The following CDH13 variants were observed in gnomAD, a reference collection of about 807,000 sequenced individuals.
CDH13 encodes the protein cadherin 13.
In CDH13, 24 loss-of-function variants were observed where a neutral mutation model predicts 63.8. The observed-to-expected ratio is 0.38, with a 90% CI of 0.27 to 0.53. The LOEUF (loss-of-function observed/expected upper bound fraction) is 0.53, where lower values mean the gene tolerates loss of function less well. Ranked by LOEUF, CDH13 falls within the 20% of genes least tolerant of loss-of-function variation. The probability of loss-of-function intolerance (pLI) is 0.85; values close to 1 mark genes in which losing one functional copy is unlikely to be tolerated. For missense variants in CDH13, 1,049 were observed against 903.1 expected (o/e 1.16, Z -2.07); for synonymous variants, 503 against 355.3 (o/e 1.42, Z -4.67).
intron 2 of CDH13, among the ~76,000 whole-genome samples, chr16:82,965,619 C>T (rs929837252): frequency 6.6e-6 from 1 of 152,180 alleles, no homozygotes; most frequent in Non-Finnish European, 1.5e-5. Context: ...GCAACCTCTA[C>T]TTCCAGGTTC....
At chr16:82,913,425 T>A (rs2041894569) in intron 2 of CDH13, among the ~76,000 whole-genome samples, 1 of 152,106 alleles carries the variant, frequency 6.6e-6, no homozygotes, top group South Asian at 2.1e-4. Context: ...CAGATCTAGG[T>A]CTGATACCTG....
chr16:83,776,108 A>G (rs1791842873), intron 11 of CDH13, among the ~76,000 whole-genome samples: 1 of 152,218 alleles, frequency 6.6e-6, no homozygotes. Context: ...TCATCTTACT[A>G]ACTTCAGAAA....
chr16:83,318,712 G>A (rs972988124), intron 5 of CDH13, among the ~76,000 whole-genome samples: 2 of 152,192 alleles, frequency 1.3e-5, no homozygotes, highest in African/African-American at 4.8e-5. Context: ...GTGGGTTCCA[G>A]TATGTATTTC....
intron 4 of CDH13, among the ~76,000 whole-genome samples, chr16:83,168,770 A>T (rs901785028): frequency 6.6e-6 from 1 of 152,162 alleles, no homozygotes; most frequent in African/African-American, 2.4e-5. Flanking sequence ...ATTAAACTAT[A>T]TGTTCAAATT....
At position 83,406,803 on chromosome 16, in the gene CDH13, C is replaced by T. The variant is rs183384702; in HGVS notation, c.781+61797C>T. 4.5e-3 allele frequency among the ~76,000 whole-genome samples: 678 copies of T among 152,276 alleles called. 5 individuals are homozygous for T. The highest frequency in any genetic ancestry group is 0.016 in the African/African-American group (660 of 41,542). The stretch of plus-strand genomic sequence containing the variant: ...TTCTAGCTGAGGATTCTGTAACAAG[C>T]CAGTCTTCTAAAACTGAATTTTTTT... On this transcript the variant is annotated intron_variant, in intron 6 of 13. Transcript: ENST00000567109.
rs541921670 is a variant in CDH13 at position 83,392,744 on chromosome 16, C to A, written c.781+47738C>A. Among the ~76,000 whole-genome samples the A allele has an allele frequency of 1.9e-3, 284 of 152,248 alleles. 2 individuals carry two copies. The highest frequency in any genetic ancestry group is 7.7e-3 in the South Asian group (37 of 4,822). Reference sequence around the variant, plus strand: ...ACAGAACCAGCGCACGAGGCAGAATCACAGTGTCAGAGCTTCTGTAATTAC... The same window carrying A: ...ACAGAACCAGCGCACGAGGCAGAATAACAGTGTCAGAGCTTCTGTAATTAC... On this transcript the variant is annotated intron_variant, in intron 6 of 13. Transcript: ENST00000567109.
intron 5 of CDH13, among the ~76,000 whole-genome samples, chr16:83,296,719 CT>C (rs1330598863): frequency 1.3e-5 from 2 of 152,104 alleles, no homozygotes; most frequent in Non-Finnish European, 2.9e-5. Flanking sequence ...TAATGGTGAA[CT>C]TTTGCCAATC....
At position 83,191,526 on chromosome 16, in the gene CDH13, C is replaced by CATATATATATAT. The variant is rs763006044; in HGVS notation, c.484-25818_484-25817insTATATATATATA. On this transcript the variant is annotated intron_variant, in intron 4 of 13. Transcript: ENST00000567109. The stretch of plus-strand genomic sequence containing the variant: ...ATATACACACACACACACACACACA[C>CATATATATATAT]ACACATATATATATATATATATATA... 5.9e-5 allele frequency among the ~76,000 whole-genome samples: 6 copies of CATATATATATAT among 101,704 alleles called. No homozygotes were observed. The East Asian group carries it at 1.2e-3, about 21-fold the overall frequency. 66.7% of individuals were successfully genotyped at this position (101,704 alleles called of 152,430 possible). A position where few individuals can be genotyped will look rare whatever the true frequency, so the allele number is the denominator to read the frequency against.
intron 10 of CDH13, among the ~76,000 whole-genome samples, chr16:83,709,782 G>C (rs1030257267): frequency 7.9e-5 from 12 of 152,322 alleles, no homozygotes; most frequent in African/African-American, 2.9e-4. Context: ...AATAGGGTCT[G>C]AGTATTCACT....
rs140305025 is a variant in CDH13 at position 82,845,771 on chromosome 16, A to G, written c.46-12591A>G. Among the ~76,000 whole-genome samples, 482 of 152,304 alleles carry G rather than the reference A, an allele frequency of 3.2e-3. 4 individuals are homozygous for G. Among genetic ancestry groups the G allele is most frequent in the African/African-American group, 0.01 (435 of 41,556 alleles). ...TCGACATCACTAATTTAATTACAAA[A>G]AATTCATAAATAGATGCAAATACCA... On this transcript the variant is annotated intron_variant, in intron 1 of 13. Coordinates refer to ENST00000567109, the MANE Select transcript of CDH13 (RefSeq NM_001257.5).
At chr16:83,468,372 T>C (rs2151535095) in intron 6 of CDH13, among the ~76,000 whole-genome samples, 1 of 152,272 alleles carries the variant, frequency 6.6e-6, no homozygotes, top group South Asian at 2.1e-4. Flanking sequence ...AAGCTGCATA[T>C]GGTAAGGAAG....
At chr16:82,683,163 G>A (rs575143811) in intron 1 of CDH13, among the ~76,000 whole-genome samples, 40 of 152,306 alleles carry the variant, frequency 2.6e-4, no homozygotes, top group African/African-American at 8.9e-4. Context: ...ATCAGAAGAT[G>A]TCGCCCTGGT....
intron 11 of CDH13, among the ~76,000 whole-genome samples, chr16:83,762,655 A>G (rs532076201): frequency 2.0e-5 from 3 of 152,302 alleles, no homozygotes; most frequent in Non-Finnish European, 1.5e-5. Flanking sequence ...CACAGGCAGG[A>G]AAGGCATCGT....
At chr16:83,608,014 G>C (rs980990402) in intron 8 of CDH13, among the ~76,000 whole-genome samples, 3 of 152,038 alleles carry the variant, frequency 2.0e-5, no homozygotes, top group Non-Finnish European at 4.4e-5. Context: ...AGGTCATGGG[G>C]ATTAATAAAC....
intron 1 of CDH13, among the ~76,000 whole-genome samples, chr16:82,820,210 C>T (rs577417176): frequency 3.3e-5 from 5 of 152,148 alleles, no homozygotes; most frequent in African/African-American, 1.2e-4. Flanking sequence ...AGCATCACCA[C>T]AAAGGAGATG....
chr16:82,627,409 C>CT (rs1230202393), intron 1 of CDH13, among the ~76,000 whole-genome samples: 2 of 149,712 alleles, frequency 1.3e-5, no homozygotes, highest in Non-Finnish European at 3.0e-5. Context: ...GAGGAGAGAG[C>CT]TCCCAGTCCT....
chr16:83,356,668 T>G (rs990540568), intron 6 of CDH13, among the ~76,000 whole-genome samples: 14 of 152,290 alleles, frequency 9.2e-5, no homozygotes, highest in African/African-American at 3.4e-4. Context: ...CTGAATAATT[T>G]ATGTATAGAA....
rs1428642823 is a variant in CDH13 at position 83,793,312 on chromosome 16, C to A, written c.2135-1711C>A. On this transcript the variant is annotated intron_variant, in intron 13 of 13. Transcript: ENST00000567109. ...GAAAAATGCAGGCAAAAACACGCCT[C>A]ATTTTGAAACCGGATCTGAGCATCC... 3.3e-5 allele frequency among the ~76,000 whole-genome samples: 5 copies of A among 152,106 alleles called. No homozygotes were observed. In the East Asian group the frequency reaches 9.7e-4, roughly 29 times the overall value.
At chr16:82,838,178 G>C (rs150693980) in intron 1 of CDH13, among the ~76,000 whole-genome samples, 320 of 152,298 alleles carry the variant, frequency 2.1e-3, no homozygotes, top group Non-Finnish European at 3.4e-3. Context: ...CATTGCAGAT[G>C]CTTGCGTGTT....
Sources: allele counts gnomAD v4.1 joint callset (sites outside exome capture counted in the v4.1 genomes callset), GRCh38; gene constraint gnomAD v4.1.1; transcripts MANE v1.5; gene names NCBI Gene and HGNC (gene_info 2026-07-23, HGNC 2026-07-21).